Variants in NAALADL2 observed in about 807,000 individuals in gnomAD.
NAALADL2 encodes the protein inactive N-acetylated-alpha-linked acidic dipeptidase-like protein 2.
A neutral mutation model predicts 87.2 loss-of-function variants in NAALADL2; 76 were observed. The observed-to-expected ratio is 0.87, with a 90% confidence interval of 0.72 to 1.05. The LOEUF is 1.05. Ranked by LOEUF, NAALADL2 falls within the 50% of genes least tolerant of loss-of-function variation. The pLI is 0.00. For synonymous variants in NAALADL2, 354 were observed against 331.0 expected, an observed-to-expected ratio of 1.07 and a Z score of -0.75; for missense variants, 1,089 against 945.8, an observed-to-expected ratio of 1.15 and a Z score of -1.99.
chr3:175,366,543 T>C (rs1251073799), intron 5 of NAALADL2, among the ~76,000 whole-genome samples: 1 of 151,780 alleles, frequency 6.6e-6, no homozygotes, highest in Admixed American at 6.6e-5. Context: ...TTTTTAATGG[T>C]TGTCATTCTA....
intron 2 of NAALADL2, among the ~76,000 whole-genome samples, chr3:174,710,220 T>C (rs1458712825): frequency 6.7e-6 from 1 of 150,354 alleles, no homozygotes; most frequent in African/African-American, 2.4e-5. Flanking sequence ...CAACTAGTCA[T>C]ATGAGCCTCC....
intron 2 of NAALADL2, among the ~76,000 whole-genome samples, chr3:174,642,770 ATATATATAT>A (rs1723371129): frequency 2.8e-5 from 1 of 35,266 alleles, no homozygotes; most frequent in South Asian, 7.3e-4. Flanking sequence ...ATATATATAT[ATATATATAT>A]ATATATATAT....
intron 2 of NAALADL2, among the ~76,000 whole-genome samples, chr3:174,648,508 A>G (rs917701476): frequency 6.6e-6 from 1 of 152,164 alleles, no homozygotes; most frequent in African/African-American, 2.4e-5. Flanking sequence ...TGCTAAGTAT[A>G]TATTTCATGG....
chr3:175,780,650 G>A (rs985562108), intron 13 of NAALADL2, among the ~76,000 whole-genome samples: 1 of 152,024 alleles, frequency 6.6e-6, no homozygotes, highest in Non-Finnish European at 1.5e-5. Context: ...AATAACAATT[G>A]ATATCACTGT....
chr3:175,342,224 A>G (rs1223856056), intron 5 of NAALADL2, among the ~76,000 whole-genome samples: 2 of 152,140 alleles, frequency 1.3e-5, no homozygotes, highest in African/African-American at 4.8e-5. Flanking sequence ...AGAAAAAAAT[A>G]TATATGAAGT....
chr3:175,481,864 T>C (rs1182491724), intron 9 of NAALADL2, among the ~76,000 whole-genome samples: 1 of 151,944 alleles, frequency 6.6e-6, no homozygotes, highest in African/African-American at 2.4e-5. Flanking sequence ...TACAATTACA[T>C]TTATGAAAAG....
chr3:175,645,233 A>G (rs1356863931), intron 11 of NAALADL2, among the ~76,000 whole-genome samples: 2 of 152,100 alleles, frequency 1.3e-5, no homozygotes, highest in East Asian at 1.9e-4. Flanking sequence ...GTGTTTCACT[A>G]TATCATACTG....
At chr3:174,754,090 C>A (rs1711640194) in intron 3 of NAALADL2, among the ~76,000 whole-genome samples, 2 of 152,176 alleles carry the variant, frequency 1.3e-5, no homozygotes, top group African/African-American at 2.4e-5. Context: ...TTTGTTATGG[C>A]AGCTTGAGCT....
rs192940416 is a variant in NAALADL2, at chr3:175,561,005, G to A, written c.1654-15036G>A. 7.2e-5 allele frequency among the ~76,000 whole-genome samples: 11 copies of A among 152,274 alleles called. No homozygotes were observed. In the South Asian group the frequency reaches 1.2e-3, roughly 17 times the overall value. ...GACAGACTATTTGCTTACCTTATAC[G>A]ATTTGAATAATGTATTCTCCCAACT... is the stretch of plus-strand genomic sequence containing the variant. On this transcript the variant is annotated intron_variant, in intron 9 of 13. Coordinates refer to ENST00000454872, the MANE Select transcript of NAALADL2 (RefSeq NM_207015.3).
chr3:174,555,361 GC>G (rs1712647043), intron 2 of NAALADL2, among the ~76,000 whole-genome samples: 1 of 152,052 alleles, frequency 6.6e-6, no homozygotes, highest in Non-Finnish European at 1.5e-5. Flanking sequence ...GTGCAATGGC[GC>G]GATCTTGGCC....
At chr3:175,319,091 GT>G (rs1337314258) in intron 4 of NAALADL2, among the ~76,000 whole-genome samples, 15 of 152,318 alleles carry the variant, frequency 9.8e-5, no homozygotes, top group African/African-American at 3.6e-4. Context: ...CCCCACATGG[GT>G]GGGGGTGAGG....
chr3:174,848,299 T>A lies in NAALADL2; in HGVS notation c.-9+110553T>A, dbSNP rs1287846098. On this transcript the variant is annotated intron_variant, in intron 3 of 3. Transcript: ENST00000434257. ...AATCAGAACTAAATAATAATAATAA[T>A]CACTTCAGTAGCTGACCTTACAAGT... Among the ~76,000 whole-genome samples the A allele has an allele frequency of 2.0e-5, 3 of 152,144 alleles. No homozygotes were observed. The East Asian group carries it at 5.8e-4, about 29-fold the overall frequency.
chr3:174,829,089 TG>T (rs1337176675), intron 3 of NAALADL2, among the ~76,000 whole-genome samples: 1 of 146,748 alleles, frequency 6.8e-6, no homozygotes, highest in Non-Finnish European at 1.5e-5. Flanking sequence ...GTATTACATC[TG>T]TTTTTTTTTG....
chr3:175,303,092 C>T (rs1019797800), intron 4 of NAALADL2, among the ~76,000 whole-genome samples: 2 of 152,084 alleles, frequency 1.3e-5, no homozygotes, highest in African/African-American at 4.8e-5. Context: ...ATACACATAA[C>T]ATACACATGG....
chr3:175,479,427 C>G (rs1010957075), intron 9 of NAALADL2, among the ~76,000 whole-genome samples: 5 of 151,742 alleles, frequency 3.3e-5, no homozygotes, highest in African/African-American at 1.2e-4. Flanking sequence ...AACATGCAGC[C>G]TTTTCCAAAC....
intron 2 of NAALADL2, among the ~76,000 whole-genome samples, chr3:175,101,423 C>T (rs563634931): frequency 1.2e-4 from 18 of 152,262 alleles, no homozygotes; most frequent in South Asian, 4.1e-4. Flanking sequence ...TTACCTAGGA[C>T]GGTTGAGAAA....
At chr3:175,658,040 C>A (rs938339432) in intron 11 of NAALADL2, among the ~76,000 whole-genome samples, 4 of 151,702 alleles carry the variant, frequency 2.6e-5, no homozygotes, top group Non-Finnish European at 5.9e-5. Flanking sequence ...TATTTTTAAA[C>A]TTATTTTTAA....
chr3:175,515,149 T>C (rs1333627724), intron 9 of NAALADL2, among the ~76,000 whole-genome samples: 1 of 152,206 alleles, frequency 6.6e-6, no homozygotes, highest in Non-Finnish European at 1.5e-5. Flanking sequence ...CTTCAAATCA[T>C]GTAAGTTCAA....
chr3:175,682,315 A>T (rs1442577875), intron 11 of NAALADL2, among the ~76,000 whole-genome samples: 1 of 152,078 alleles, frequency 6.6e-6, no homozygotes, highest in Non-Finnish European at 1.5e-5. Context: ...ATAAGAATAG[A>T]TTAAAAGTAG....
Sources: gnomAD v4.1 joint callset for allele counts (sites outside exome capture counted in the v4.1 genomes callset) on GRCh38, gnomAD v4.1.1 for gene constraint, MANE v1.5 for transcripts, NCBI Gene and HGNC (gene_info 2026-07-23, HGNC 2026-07-21) for gene names.